The following TAOK2 variants were observed in gnomAD, a reference collection of about 807,000 sequenced individuals.
TAOK2 encodes the protein serine/threonine-protein kinase TAO2.
In TAOK2, 42 loss-of-function variants were observed where a neutral mutation model predicts 122.5. The ratio of observed to expected loss-of-function variants is 0.34; its 90% confidence interval spans 0.27 to 0.44. The LOEUF (loss-of-function observed/expected upper bound fraction) is 0.44. TAOK2 is among the 20% of genes least tolerant of loss of function. The pLI is 1.00. For missense variants in TAOK2, 1,264 were observed against 1,644.9 expected (o/e 0.77, Z 4.01); for synonymous variants, 704 against 677.6 (o/e 1.04, Z -0.61).
At position 29,986,543 on chromosome 16, in the gene TAOK2, C is replaced by G. The variant is rs1164701623; in HGVS notation, c.2271C>G (p.Pro757=). The change falls in exon 16 of 16, where the codon CCC becomes CCG. Residue 757 remains proline (P), a synonymous_variant. Coordinates refer to ENST00000308893, the MANE Select transcript of TAOK2 (RefSeq NM_016151.4). The surrounding 1 kb of genome is among the most constrained non-coding windows in gnomAD (Gnocchi z 4.2). ...AGQRPPGLPL[P]IPGALGPPNT... ...AGCGCCCCCCGGGCCTTCCACTCCC[C>G]ATTCCTGGGGCTCTGGGCCCACCCA... The G allele has an allele frequency of 1.2e-6, 2 of 1,613,748 alleles. No individual in the cohort carries two copies. The highest frequency in any genetic ancestry group is 1.7e-6 in the Non-Finnish European group (2 of 1,179,882).
chr16:29,990,705 G>A, downstream of TAOK2: 1 of 1,446,142 alleles, frequency 6.9e-7, no homozygotes, highest in Non-Finnish European at 9.3e-7. Flanking sequence ...AAACCTTAGG[G>A]CCCAGGCCTA....
In TAOK2 at chr16:29,986,000, A is replaced by ACTT. The variant is rs2069778261; in HGVS notation, c.1992+142_1992+144dup. On this transcript the variant is annotated intron_variant, in intron 15 of 15. Coordinates refer to ENST00000308893, the MANE Select transcript of TAOK2 (RefSeq NM_016151.4). The surrounding 1 kb of genome is among the most constrained non-coding windows in gnomAD (Gnocchi z 6.9). ...TCAGCTTTGCTTCAGTGCCCCTTTT[A>ACTT]CTTCTCATCCCCAACAGACCCTGCC... 6.0e-6 allele frequency: 7 copies of ACTT among 1,158,246 alleles called. No individual in the cohort carries two copies. Among genetic ancestry groups the ACTT allele is most frequent in the African/African-American group, 1.6e-5 (1 of 64,324 alleles). The allele number at this position is 1,158,246 out of a possible 1,614,324, so 71.7% of individuals were successfully genotyped here.
At position 29,988,087 on chromosome 16, in the gene TAOK2, C is replaced by G; in HGVS notation, c.*107C>G. 1 of 1,437,698 alleles carries G rather than the reference C, an allele frequency of 7.0e-7. No individual in the cohort carries two copies. The highest frequency in any genetic ancestry group is 9.1e-7 in the Non-Finnish European group (1 of 1,100,748). 89.1% of individuals were successfully genotyped at this position (1,437,698 alleles called of 1,614,324 possible). A position where few individuals can be genotyped will look rare whatever the true frequency, so the allele number is the denominator to read the frequency against. On this transcript the variant is annotated 3_prime_UTR_variant, in exon 16 of 16. Transcript: ENST00000308893. ...GTCCTCTCTTTTCACCCACCTTCCTCAGTTTGCTCACTTACCCCAGGCCCA... is the reference window on the plus strand; with the variant it reads ...GTCCTCTCTTTTCACCCACCTTCCTGAGTTTGCTCACTTACCCCAGGCCCA...
downstream of TAOK2, chr16:29,991,117 C>A: frequency 6.2e-7 from 1 of 1,603,264 alleles, no homozygotes. This position sits in a 1 kb window ranked among gnomAD's most constrained non-coding sequence, Gnocchi z 5.6. Context: ...GAGCGGCAGG[C>A]CCGTGAGATC....
chr16:29,989,925 T>C, downstream of TAOK2: 2 of 883,650 alleles, frequency 2.3e-6, no homozygotes, highest in South Asian at 1.6e-5. Context: ...GAAACTCACA[T>C]ACTCTCCCTC....
downstream of TAOK2, chr16:29,990,577 G>A (rs748399147): frequency 7.9e-5 from 34 of 430,792 alleles, no homozygotes; most frequent in Admixed American, 1.6e-4. Flanking sequence ...CAACGCTTCC[G>A]TGAACACCTC....
chr16:29,988,841 G>A (rs2150908733), downstream of TAOK2: 1 of 985,404 alleles, frequency 1.0e-6, no homozygotes, highest in African/African-American at 1.7e-5. Flanking sequence ...TGAAGGCTGT[G>A]GCAGCAGGAT....
rs185331116 is a variant in TAOK2 at position 29,983,755 on chromosome 16, T to C, written c.1422+91T>C. The stretch of plus-strand genomic sequence containing the variant: ...ATGATTTCCTCCCTGTGGCATGGGA[T>C]TGAGTCTGGATTCTACCCTCATTTT... On this transcript the variant is annotated intron_variant, in intron 13 of 15. Coordinates refer to ENST00000308893, the MANE Select transcript of TAOK2 (RefSeq NM_016151.4). The C allele has an allele frequency of 2.0e-6, 3 of 1,522,142 alleles. No homozygotes were observed. In the East Asian group the frequency reaches 6.8e-5, roughly 35 times the overall value. The allele number at this position is 1,522,142 out of a possible 1,614,324, so 94.3% of individuals were successfully genotyped here.
At chr16:29,991,802 G>T, downstream of TAOK2, 1 of 446,354 alleles carries the variant, frequency 2.2e-6, no homozygotes, top group Non-Finnish European at 3.8e-6. This position sits in a 1 kb window ranked among gnomAD's most constrained non-coding sequence, Gnocchi z 5.6. Context: ...ATGGTGCCAG[G>T]GGTCTCCCTC....
downstream of TAOK2, chr16:29,988,569 T>G (rs1567252806): frequency 1.0e-6 from 1 of 985,406 alleles, no homozygotes; most frequent in East Asian, 1.1e-4. Flanking sequence ...CATTGCACCA[T>G]GACCACCACC....
downstream of TAOK2, chr16:29,991,329 T>C: frequency 6.2e-7 from 1 of 1,606,104 alleles, no homozygotes; most frequent in Non-Finnish European, 8.5e-7. The surrounding 1 kb of genome is among the most constrained non-coding windows in gnomAD (Gnocchi z 5.6). Flanking sequence ...GCGTCAGCCG[T>C]CTCTGCTGGC....
At chr16:29,991,131 G>T, downstream of TAOK2, 2 of 1,608,872 alleles carry the variant, frequency 1.2e-6, no homozygotes, top group Non-Finnish European at 1.7e-6. The surrounding 1 kb of genome is among the most constrained non-coding windows in gnomAD (Gnocchi z 5.6). Context: ...TGAGATCGAG[G>T]CCTTCGATGC....
chr16:29,987,840 C>G lies in TAOK2; in HGVS notation c.3568C>G (p.Arg1190Gly), dbSNP rs756806042. ...LASWGLLRGERPTRIPRLLPR... is the reference protein window; with the variant it reads ...LASWGLLRGEGPTRIPRLLPR... ...CAGCTGGGGCCTGCTTCGGGGTGAA[C>G]GGCCCACCCGAATCCCCCGGCTACT... Residue 1190 changes from arginine (R) to glycine (G), a missense_variant, in exon 16 of 16, where the codon CGG becomes GGG. Arg to Gly is a moderately radical substitution (Grantham distance 125). Transcript: ENST00000308893. 6.2e-7 allele frequency: 1 copy of G among 1,611,678 alleles called. No individual in the cohort carries two copies. Among genetic ancestry groups the G allele is most frequent in the African/African-American group, 1.3e-5 (1 of 74,912 alleles).
chr16:29,982,952 C>G, intron 11 of TAOK2, 51 bp downstream of exon 11: 1 of 1,607,134 alleles, frequency 6.2e-7, no homozygotes, highest in Non-Finnish European at 8.5e-7. Flanking sequence ...TGTGCCTGCC[C>G]CCTGCAGTTG....
At chr16:29,989,108 C>T (rs2069903938), downstream of TAOK2, 1 of 985,318 alleles carries the variant, frequency 1.0e-6, no homozygotes, top group Non-Finnish European at 1.2e-6. Flanking sequence ...AGTCGTGTTG[C>T]TTTCTTCATG....
At chr16:29,991,224 C>T (rs761368640), downstream of TAOK2, 2 of 1,610,678 alleles carry the variant, frequency 1.2e-6, no homozygotes, top group African/African-American at 2.7e-5. This position sits in a 1 kb window ranked among gnomAD's most constrained non-coding sequence, Gnocchi z 5.6. Context: ...TCCTGCTCCA[C>T]CCCCTGCCCC....
intron 10 of TAOK2, among the ~76,000 whole-genome samples, chr16:29,982,311 T>A (rs1365320822): frequency 6.6e-6 from 1 of 152,158 alleles, no homozygotes; most frequent in East Asian, 1.9e-4. Flanking sequence ...TTTTGAATTA[T>A]CAAAAATGGA....
downstream of TAOK2, chr16:29,991,505 CCT>C (rs1477332140): frequency 3.4e-6 from 5 of 1,480,034 alleles, no homozygotes; most frequent in African/African-American, 2.8e-5. The surrounding 1 kb of genome is among the most constrained non-coding windows in gnomAD (Gnocchi z 5.6). Context: ...TGCCCGGGCC[CCT>C]GAGCCGCAGC....
In TAOK2 at chr16:29,987,930, G is replaced by T; in HGVS notation, c.3658G>T (p.Gly1220Trp). The T allele has an allele frequency of 6.5e-7, 1 of 1,547,122 alleles. No homozygotes were observed. Among genetic ancestry groups the T allele is most frequent in the Non-Finnish European group, 8.7e-7 (1 of 1,151,874 alleles). ...SRQPLPGTLA[G>W]RRSRTRQSRA... ...CCAGCCACTGCCAGGGACTCTAGCC[G>T]GGCGGAGGTCACGCACCCGCCAGTC... The change falls in exon 16 of 16, where the codon GGG (glycine) becomes TGG (tryptophan). Residue 1220 changes from glycine (G) to tryptophan (W), a missense_variant. By Grantham distance (184) the Gly-to-Trp change is radical (BLOSUM62 -2). This residue lies in a region of TAOK2 where 824 missense variants were observed against 908.7 expected (regional missense o/e 0.91). Transcript: ENST00000308893.
Sources: gnomAD v4.1 joint callset for allele counts (sites outside exome capture counted in the v4.1 genomes callset) on GRCh38, gnomAD v4.1.1 for gene constraint, gnomAD v4.1.1 regional missense constraint, Gnocchi (gnomAD v3.1) non-coding constraint, MANE v1.5 for transcripts, NCBI Gene and HGNC (gene_info 2026-07-23, HGNC 2026-07-21) for gene names.